Variants in FAM53B observed in about 807,000 individuals in gnomAD.
FAM53B encodes the protein family with sequence similarity 53 member B.
FAM53B carries 12 observed loss-of-function variants against 32.7 expected under a neutral mutation model. That is an observed-to-expected ratio of 0.37 (90% CI 0.24 to 0.59). The LOEUF (loss-of-function observed/expected upper bound fraction) is 0.59, where lower values mean the gene tolerates loss of function less well. Among genes scored for constraint, FAM53B ranks in the 20% least tolerant of loss-of-function variants. The pLI, the probability that FAM53B is intolerant of heterozygous loss-of-function variation, is 0.72. For missense variants in FAM53B, 477 were observed against 577.7 expected (o/e 0.83, Z 1.79); for synonymous variants, 234 against 228.7 (o/e 1.02, Z -0.21).
At chr10:124,724,930 C>A (rs1287957457) in intron 1 of FAM53B, among the ~76,000 whole-genome samples, 1 of 152,218 alleles carries the variant, frequency 6.6e-6, no homozygotes, top group Non-Finnish European at 1.5e-5. Flanking sequence ...ATGTGCCCAG[C>A]TGCTGGGGGC....
intron 4 of FAM53B, among the ~76,000 whole-genome samples, chr10:124,661,059 A>G (rs1285489222): frequency 3.7e-5 from 2 of 53,582 alleles, no homozygotes; most frequent in South Asian, 1.1e-3. Flanking sequence ...CTGAAATTAA[A>G]AAAAAAAAAA....
chr10:124,668,027 T>C (rs907259262), intron 4 of FAM53B, among the ~76,000 whole-genome samples: 4 of 152,166 alleles, frequency 2.6e-5, no homozygotes, highest in Admixed American at 2.6e-4. Flanking sequence ...CCCAGATTCC[T>C]CCTAGCAGGG....
rs569543459 is a variant in FAM53B at position 124,682,399 on chromosome 10, G to C, written c.134-20C>G. 6.3e-6 allele frequency: 10 copies of C among 1,576,686 alleles called. No homozygotes were observed. In the African/African-American group the frequency reaches 6.7e-5, roughly 11 times the overall value. On this transcript the variant is annotated intron_variant, in intron 3 of 4. Coordinates refer to ENST00000337318, the MANE Select transcript of FAM53B (RefSeq NM_014661.4). This position sits in a 1 kb window ranked among gnomAD's most constrained non-coding sequence, Gnocchi z 5.2. ...CATTTTCTGGTTCATAAATGACAAG[G>C]AGAAAACAGGATTTGAGAAGACCTT...
At chr10:124,634,127 A>C (rs1949410982) in intron 4 of FAM53B, among the ~76,000 whole-genome samples, 1 of 152,246 alleles carries the variant, frequency 6.6e-6, no homozygotes, top group African/African-American at 2.4e-5. Context: ...TGTTATTCAA[A>C]ATATCCAAAA....
rs547794009 is a variant in FAM53B at position 124,645,495 on chromosome 10, C to T, written c.907-21891G>A. Among the ~76,000 whole-genome samples the T allele has an allele frequency of 1.1e-4, 16 of 152,330 alleles. No homozygotes were observed. In the South Asian group the frequency reaches 2.7e-3, roughly 26 times the overall value. ...ATTCCACCCACAGCCTTCCCAGCCT[C>T]TGCTGAAGGCAGACAGGTGAGGGTA... On this transcript the variant is annotated intron_variant, in intron 4 of 4. Transcript: ENST00000337318.
At chr10:124,628,668 G>A (rs1004780603) in intron 4 of FAM53B, among the ~76,000 whole-genome samples, 3 of 152,238 alleles carry the variant, frequency 2.0e-5, no homozygotes, top group Admixed American at 2.0e-4. Flanking sequence ...TGCTGTGAGT[G>A]TTGGCTCTGA....
intron 4 of FAM53B, among the ~76,000 whole-genome samples, chr10:124,674,294 C>T (rs74571345): frequency 0.05 from 7,649 of 152,236 alleles, 636 homozygotes; most frequent in African/African-American, 0.17. Context: ...TGCCAAATTT[C>T]TCCCCTTACT....
intron 1 of FAM53B, among the ~76,000 whole-genome samples, chr10:124,743,514 C>A (rs1219297434): frequency 6.6e-6 from 1 of 152,168 alleles, no homozygotes; most frequent in Non-Finnish European, 1.5e-5. Context: ...CTCCCGCACC[C>A]CGGGGGTGGC....
At chr10:124,645,484 C>G (rs1181970413) in intron 4 of FAM53B, among the ~76,000 whole-genome samples, 2 of 152,236 alleles carry the variant, frequency 1.3e-5, no homozygotes, top group African/African-American at 4.8e-5. Flanking sequence ...CACCCACAGC[C>G]TTCCCAGCCT....
chr10:124,625,194 C>T (rs1024844248), intron 4 of FAM53B, among the ~76,000 whole-genome samples: 4 of 152,206 alleles, frequency 2.6e-5, no homozygotes, highest in Middle Eastern at 3.2e-3. Flanking sequence ...AAATAAAAGG[C>T]GCTCTCTCTG....
At chr10:124,631,129 C>T (rs1366191433) in intron 4 of FAM53B, among the ~76,000 whole-genome samples, 1 of 152,258 alleles carries the variant, frequency 6.6e-6, no homozygotes, top group Non-Finnish European at 1.5e-5. Context: ...CCCCAGCCAT[C>T]CCTTGGCCTT....
intron 1 of FAM53B, among the ~76,000 whole-genome samples, chr10:124,727,129 C>T (rs190848576): frequency 7.8e-4 from 119 of 152,262 alleles, no homozygotes; most frequent in African/African-American, 2.9e-3. Context: ...AGCGATCCTC[C>T]CGTCTCAGCC....
chr10:124,719,047 T>TA (rs34673024), intron 1 of FAM53B, among the ~76,000 whole-genome samples: 90,843 of 148,822 alleles, frequency 0.61, 28,661 homozygotes, highest in Admixed American at 0.74. Context: ...ACAAAAAAAA[T>TA]AAAAAAAAAG....
At chr10:124,675,380 C>T (rs2134065054) in intron 4 of FAM53B, among the ~76,000 whole-genome samples, 1 of 152,328 alleles carries the variant, frequency 6.6e-6, no homozygotes, top group Admixed American at 6.5e-5. Context: ...CCCGGCCCAC[C>T]AAGAGTGGAG....
At chr10:124,626,388 G>GGC (rs1949353505) in intron 4 of FAM53B, among the ~76,000 whole-genome samples, 3 of 101,814 alleles carry the variant, frequency 2.9e-5, no homozygotes, top group Non-Finnish European at 6.5e-5. Flanking sequence ...CGAAATTTGT[G>GGC]CCCCCCCCCC....
chr10:124,710,012 C>A (rs1472815073), intron 1 of FAM53B, among the ~76,000 whole-genome samples: 1 of 152,204 alleles, frequency 6.6e-6, no homozygotes, highest in East Asian at 1.9e-4. Flanking sequence ...GGCAAGATTT[C>A]ATCAGGAAGG....
intron 4 of FAM53B, among the ~76,000 whole-genome samples, chr10:124,653,204 T>G (rs1159803909): frequency 7.1e-6 from 1 of 139,926 alleles, no homozygotes; most frequent in East Asian, 2.0e-4. Flanking sequence ...CCCTGCTCAG[T>G]GAATGGGGAG....
rs545379745 is a variant in FAM53B at position 124,740,872 on chromosome 10, G to C, written c.-175+3141C>G. Among the ~76,000 whole-genome samples, 106 of 152,324 alleles carry C rather than the reference G, an allele frequency of 7.0e-4. 1 individual carries two copies. Among genetic ancestry groups the C allele is most frequent in the African/African-American group, 2.3e-3 (96 of 41,572 alleles). Reference sequence around the variant, plus strand: ...ACGAGGCAAGGAGGAGGAGAGTCCAGCAGAGCTAAGCTTCGCTGAGCCCCG... The same window carrying C: ...ACGAGGCAAGGAGGAGGAGAGTCCACCAGAGCTAAGCTTCGCTGAGCCCCG... On this transcript the variant is annotated intron_variant, in intron 1 of 4. Coordinates refer to ENST00000337318, the MANE Select transcript of FAM53B (RefSeq NM_014661.4).
chr10:124,724,935 G>A (rs982641984), intron 1 of FAM53B, among the ~76,000 whole-genome samples: 1 of 152,184 alleles, frequency 6.6e-6, no homozygotes, highest in Non-Finnish European at 1.5e-5. Context: ...CCCAGCTGCT[G>A]GGGGCTGGGA....
Sources: gnomAD v4.1 joint callset for allele counts (sites outside exome capture counted in the v4.1 genomes callset) on GRCh38, gnomAD v4.1.1 for gene constraint, Gnocchi (gnomAD v3.1) non-coding constraint, MANE v1.5 for transcripts, NCBI Gene and HGNC (gene_info 2026-07-23, HGNC 2026-07-21) for gene names.